CTNNA3: variants seen among roughly 807,000 people sequenced by gnomAD.
CTNNA3 encodes catenin alpha-3.
A neutral mutation model predicts 95.7 loss-of-function variants in CTNNA3; 76 were observed. That is an observed-to-expected ratio of 0.79 (90% CI 0.66 to 0.96). The LOEUF (loss-of-function observed/expected upper bound fraction) is 0.96. Ranked by LOEUF, CTNNA3 falls within the 40% of genes least tolerant of loss-of-function variation. CTNNA3 has a pLI of 0.00. For missense variants in CTNNA3, 1,191 were observed against 1,089.8 expected (o/e 1.09, Z -1.31); for synonymous variants, 431 against 374.4 (o/e 1.15, Z -1.74).
chr10:66,405,420 A>G (rs1401083017), intron 11 of CTNNA3, among the ~76,000 whole-genome samples: 1 of 152,188 alleles, frequency 6.6e-6, no homozygotes, highest in East Asian at 1.9e-4. Flanking sequence ...TATGTCGAAT[A>G]GAGTGCTAAA....
chr10:67,597,011 C>G (rs1472636597), intron 3 of CTNNA3, among the ~76,000 whole-genome samples: 4 of 152,198 alleles, frequency 2.6e-5, no homozygotes, highest in Non-Finnish European at 1.5e-5. Flanking sequence ...AAAGAACCAT[C>G]CTTCAAGCTC....
chr10:66,082,629 G>T (rs2080808093), intron 14 of CTNNA3, among the ~76,000 whole-genome samples: 3 of 151,912 alleles, frequency 2.0e-5, no homozygotes, highest in Non-Finnish European at 4.4e-5. Flanking sequence ...ATGAACCCTG[G>T]GTATGCAAGT....
chr10:67,427,249 C>T (rs1179556812), intron 5 of CTNNA3, among the ~76,000 whole-genome samples: 1 of 151,966 alleles, frequency 6.6e-6, no homozygotes, highest in East Asian at 1.9e-4. Flanking sequence ...ACAGTCCTCA[C>T]TCCCAAGAGT....
intron 12 of CTNNA3, among the ~76,000 whole-genome samples, chr10:66,375,907 C>T (rs534340848): frequency 1.1e-4 from 16 of 152,266 alleles, no homozygotes; most frequent in African/African-American, 3.8e-4. Context: ...TTTCCAGTCT[C>T]GGCCTCATCA....
chr10:67,305,626 G>T (rs964213262), intron 5 of CTNNA3, among the ~76,000 whole-genome samples: 1 of 152,028 alleles, frequency 6.6e-6, no homozygotes, highest in African/African-American at 2.4e-5. Context: ...AAGCTAGATT[G>T]GAGGGGCAAG....
At chr10:67,042,997 C>T (rs536149811) in intron 7 of CTNNA3, among the ~76,000 whole-genome samples, 45 of 152,046 alleles carry the variant, frequency 3.0e-4, no homozygotes, top group African/African-American at 6.0e-4. Context: ...AATCAGCAAC[C>T]GGTGGAATAG....
chr10:66,836,654 A>T (rs544615977), intron 7 of CTNNA3, among the ~76,000 whole-genome samples: 70 of 152,242 alleles, frequency 4.6e-4, no homozygotes, highest in Middle Eastern at 3.4e-3. Flanking sequence ...TGACAAACCC[A>T]CTATGTGGCA....
rs79278093 is a variant in CTNNA3 at position 66,230,891 on chromosome 10, G to A, written c.1884+49579C>T. ...AACAAAGTTACAGCTGCACCACTAT[G>A]TTCATCTTTTGTCATGATGCTGCAG... On this transcript the variant is annotated intron_variant, in intron 13 of 17. Coordinates refer to ENST00000433211, the MANE Select transcript of CTNNA3 (RefSeq NM_013266.4). 8.5e-3 allele frequency among the ~76,000 whole-genome samples: 1,301 copies of A among 152,232 alleles called. 21 individuals are homozygous for A. The highest frequency in any genetic ancestry group is 0.03 in the African/African-American group (1,240 of 41,526).
intron 7 of CTNNA3, among the ~76,000 whole-genome samples, chr10:67,063,902 T>G (rs996078456): frequency 1.3e-5 from 2 of 152,176 alleles, no homozygotes; most frequent in African/African-American, 4.8e-5. Context: ...AGAAGGAAAC[T>G]GATTTGATAT....
intron 5 of CTNNA3, among the ~76,000 whole-genome samples, chr10:67,466,032 A>C (rs182360072): frequency 6.6e-6 from 1 of 152,272 alleles, no homozygotes; most frequent in Non-Finnish European, 1.5e-5. Context: ...TTGTATCTAA[A>C]ATTCTATATA....
chr10:65,959,089 A>G (rs1354637774), intron 17 of CTNNA3, among the ~76,000 whole-genome samples: 1 of 152,174 alleles, frequency 6.6e-6, no homozygotes, highest in Non-Finnish European at 1.5e-5. Flanking sequence ...AGCCTCAGCA[A>G]TGGCAGACGC....
intron 15 of CTNNA3, among the ~76,000 whole-genome samples, chr10:65,994,160 T>C (rs1564565256): frequency 6.6e-6 from 1 of 152,222 alleles, no homozygotes; most frequent in Non-Finnish European, 1.5e-5. Flanking sequence ...TTTCTTATTG[T>C]TTATCATTAT....
At chr10:67,758,400 C>CA (rs746386849) in intron 1 of CTNNA3, among the ~76,000 whole-genome samples, 34 of 151,506 alleles carry the variant, frequency 2.2e-4, no homozygotes, top group Middle Eastern at 3.4e-3. Flanking sequence ...CTAATACAGT[C>CA]AAGGAAAAAG....
rs553125025 is a variant in CTNNA3, at chr10:66,391,148, C to T, written c.1532-11796G>A. 1.2e-4 allele frequency among the ~76,000 whole-genome samples: 19 copies of T among 152,148 alleles called. No individual in the cohort carries two copies. The East Asian group carries it at 3.3e-3, about 26-fold the overall frequency. ...CCCAGTTTCTTTGCACTGAAAGCTG[C>T]TTATTCTTTCGCTTTTAGACAGCTC... On this transcript the variant is annotated intron_variant, in intron 11 of 17. Coordinates refer to ENST00000433211, the MANE Select transcript of CTNNA3 (RefSeq NM_013266.4).
chr10:66,470,706 G>A (rs1911300), intron 11 of CTNNA3, among the ~76,000 whole-genome samples: 9,390 of 151,828 alleles, frequency 0.062, 604 homozygotes, highest in African/African-American at 0.16. Context: ...AAAGCCAAGA[G>A]AGCCTATTAT....
At chr10:66,790,466 G>A (rs963527415) in intron 7 of CTNNA3, among the ~76,000 whole-genome samples, 33 of 151,952 alleles carry the variant, frequency 2.2e-4, no homozygotes, top group Admixed American at 5.2e-4. Flanking sequence ...CAAAAAAACC[G>A]TTTCTCAATT....
intron 17 of CTNNA3, among the ~76,000 whole-genome samples, chr10:65,966,378 G>T (rs1232704969): frequency 6.6e-6 from 1 of 152,082 alleles, no homozygotes; most frequent in African/African-American, 2.4e-5. Context: ...TATAAAACTT[G>T]ATTTACTCTT....
chr10:66,421,398 G>T (rs2093191881), intron 11 of CTNNA3, among the ~76,000 whole-genome samples: 1 of 152,222 alleles, frequency 6.6e-6, no homozygotes, highest in African/African-American at 2.4e-5. Context: ...TTTCAAAGTA[G>T]CTATAAGAAA....
chr10:66,059,183 C>T (rs2080145695), intron 15 of CTNNA3, among the ~76,000 whole-genome samples: 1 of 152,052 alleles, frequency 6.6e-6, no homozygotes, highest in African/African-American at 2.4e-5. Context: ...GAATTAGCCC[C>T]ATTTTGGTAA....
Sources: allele counts gnomAD v4.1 joint callset (sites outside exome capture counted in the v4.1 genomes callset), GRCh38; gene constraint gnomAD v4.1.1; transcripts MANE v1.5; gene names NCBI Gene and HGNC (gene_info 2026-07-23, HGNC 2026-07-21).